Variants in ROR1 observed in about 807,000 individuals in gnomAD.
ROR1 encodes inactive tyrosine-protein kinase transmembrane receptor ROR1.
ROR1 carries 19 observed loss-of-function variants against 78.8 expected under a neutral mutation model. That is an observed-to-expected ratio of 0.24 (90% confidence interval 0.17 to 0.35). The LOEUF (loss-of-function observed/expected upper bound fraction) is 0.35. ROR1 is among the 10% of genes least tolerant of loss of function. The pLI is 1.00. For synonymous variants in ROR1, 386 were observed against 433.6 expected, an observed-to-expected ratio of 0.89 and a Z score of 1.36; for missense variants, 917 against 1,177.8, an observed-to-expected ratio of 0.78 and a Z score of 3.24.
At chr1:63,866,700 G>A (rs1289722017) in intron 1 of ROR1, among the ~76,000 whole-genome samples, 1 of 151,900 alleles carries the variant, frequency 6.6e-6, no homozygotes, top group Non-Finnish European at 1.5e-5. Context: ...TATAGTTATG[G>A]ATCTATTGTT....
intron 4 of ROR1, among the ~76,000 whole-genome samples, chr1:64,077,389 C>A (rs1647059072): frequency 6.6e-6 from 1 of 152,234 alleles, no homozygotes; most frequent in African/African-American, 2.4e-5. Flanking sequence ...GGCTTTCACA[C>A]CCTCACGTAT....
intron 2 of ROR1, among the ~76,000 whole-genome samples, chr1:64,042,602 T>C (rs1646753745): frequency 6.6e-6 from 1 of 152,188 alleles, no homozygotes; most frequent in Non-Finnish European, 1.5e-5. Context: ...ACCCACCTCC[T>C]GCTTTTACCT....
chr1:63,918,763 C>T (rs917000620), intron 1 of ROR1, among the ~76,000 whole-genome samples: 3 of 152,104 alleles, frequency 2.0e-5, no homozygotes, highest in Admixed American at 2.0e-4. Context: ...CCAAATGCTG[C>T]CCACACAAGT....
intron 1 of ROR1, among the ~76,000 whole-genome samples, chr1:63,788,157 G>A (rs933042787): frequency 1.3e-5 from 2 of 152,310 alleles, no homozygotes; most frequent in Non-Finnish European, 2.9e-5. Flanking sequence ...AATGCACACA[G>A]CCTCACCTCA....
intron 4 of ROR1, among the ~76,000 whole-genome samples, chr1:64,124,479 T>C (rs1648646409): frequency 6.6e-6 from 1 of 152,056 alleles, no homozygotes; most frequent in African/African-American, 2.4e-5. Flanking sequence ...TTTTTCCTGC[T>C]CCTTCCATGG....
At chr1:64,046,408 T>C (rs1037329415) in intron 2 of ROR1, among the ~76,000 whole-genome samples, 27 of 152,226 alleles carry the variant, frequency 1.8e-4, no homozygotes, top group Non-Finnish European at 1.0e-4. Context: ...CTTTGTTCAG[T>C]AAACACAAAG....
chr1:63,843,235 G>A (rs1489580741), intron 1 of ROR1: 4 of 1,507,754 alleles, frequency 2.7e-6, no homozygotes, highest in Non-Finnish European at 2.8e-6. Flanking sequence ...CTGCCCCCCA[G>A]CTTCTCTGCC....
chr1:63,918,725 T>C (rs1365184571), intron 1 of ROR1, among the ~76,000 whole-genome samples: 1 of 152,082 alleles, frequency 6.6e-6, no homozygotes, highest in Non-Finnish European at 1.5e-5. Context: ...CAGAGACCGT[T>C]AGGGAGTTTG....
chr1:63,973,726 T>C (rs1179193271), intron 1 of ROR1, among the ~76,000 whole-genome samples: 3 of 151,898 alleles, frequency 2.0e-5, no homozygotes, highest in African/African-American at 7.3e-5. Context: ...GATCTAGGGG[T>C]GGGGTCTGGG....
chr1:64,057,020 T>G (rs1352421389), intron 4 of ROR1, among the ~76,000 whole-genome samples: 1 of 152,236 alleles, frequency 6.6e-6, no homozygotes, highest in Non-Finnish European at 1.5e-5. Context: ...TTGATGACAT[T>G]CAATTTATTA....
intron 1 of ROR1, among the ~76,000 whole-genome samples, chr1:63,791,233 G>A (rs1644724115): frequency 6.6e-6 from 1 of 152,074 alleles, no homozygotes; most frequent in Non-Finnish European, 1.5e-5. Flanking sequence ...AAACAATGAT[G>A]GTGACACAGT....
chr1:64,066,202 T>C (rs991789036), intron 4 of ROR1, among the ~76,000 whole-genome samples: 2 of 152,156 alleles, frequency 1.3e-5, no homozygotes, highest in Non-Finnish European at 2.9e-5. Context: ...CCCAACTTTC[T>C]CTCAAGGCCG....
chr1:63,857,651 C>A (rs1023975520), intron 1 of ROR1, among the ~76,000 whole-genome samples: 1 of 152,172 alleles, frequency 6.6e-6, no homozygotes, highest in Non-Finnish European at 1.5e-5. Flanking sequence ...AGCTGTGAGT[C>A]GTTGCATTCT....
At chr1:63,899,169 T>C (rs1156445165) in intron 1 of ROR1, among the ~76,000 whole-genome samples, 3 of 152,118 alleles carry the variant, frequency 2.0e-5, no homozygotes, top group African/African-American at 7.2e-5. Flanking sequence ...GAATACTCTG[T>C]TTACTTTGCC....
intron 1 of ROR1, among the ~76,000 whole-genome samples, chr1:63,788,117 G>A (rs982624539): frequency 1.3e-5 from 2 of 152,180 alleles, no homozygotes; most frequent in African/African-American, 4.8e-5. Flanking sequence ...GCCAGTAGAC[G>A]CTGCTTTCAT....
intron 1 of ROR1, among the ~76,000 whole-genome samples, chr1:63,891,001 C>G (rs1645391724): frequency 6.6e-6 from 1 of 152,150 alleles, no homozygotes; most frequent in African/African-American, 2.4e-5. Context: ...CTATATTTTT[C>G]TGCCTGGTGT....
intron 7 of ROR1, among the ~76,000 whole-genome samples, chr1:64,151,374 C>G (rs1420396941): frequency 6.6e-6 from 1 of 152,166 alleles, no homozygotes; most frequent in South Asian, 2.1e-4. Context: ...TGCCTTTCAT[C>G]TCTGGCAAAT....
intron 1 of ROR1, among the ~76,000 whole-genome samples, chr1:63,909,143 C>T (rs540128391): frequency 2.0e-5 from 3 of 152,224 alleles, no homozygotes; most frequent in South Asian, 2.1e-4. Flanking sequence ...TCTACCTCAC[C>T]TCCTCCTGCC....
At chr1:63,904,096 G>GCAT (rs1405344271) in intron 1 of ROR1, among the ~76,000 whole-genome samples, 1 of 152,190 alleles carries the variant, frequency 6.6e-6, no homozygotes, top group African/African-American at 2.4e-5. Context: ...CAGGTCAGGG[G>GCAT]CATCAGTTCA....
Sources: gnomAD v4.1 joint callset for allele counts (sites outside exome capture counted in the v4.1 genomes callset) on GRCh38, gnomAD v4.1.1 for gene constraint, MANE v1.5 for transcripts, NCBI Gene and HGNC (gene_info 2026-07-23, HGNC 2026-07-21) for gene names.